The following KCNQ1 variants were observed in gnomAD, a reference collection of about 807,000 sequenced individuals.
KCNQ1 encodes potassium voltage-gated channel subfamily Q member 1, also known as potassium voltage-gated channel subfamily KQT member 1.
KCNQ1 carries 49 observed loss-of-function variants against 72.4 expected under a neutral mutation model. The ratio of observed to expected loss-of-function variants is 0.68; its 90% CI spans 0.54 to 0.86. KCNQ1 has a LOEUF of 0.86. Ranked by LOEUF, KCNQ1 falls within the 40% of genes least tolerant of loss-of-function variation. The pLI, the probability that KCNQ1 is intolerant of heterozygous loss-of-function variation, is 0.00. For missense variants in KCNQ1, 790 were observed against 945.1 expected (o/e 0.84, Z 2.15); for synonymous variants, 450 against 412.6 (o/e 1.09, Z -1.10).
intron 10 of KCNQ1, chr11:2,614,347 C>T: frequency 2.5e-6 from 1 of 398,462 alleles, no homozygotes; most frequent in African/African-American, 2.1e-5. Flanking sequence ...GTCTTCTGTG[C>T]ACCCTTTAAA....
chr11:2,698,824 C>T lies in KCNQ1; in HGVS notation c.1514+36743C>T, dbSNP rs1431273833. 3.0e-5 allele frequency: 12 copies of T among 398,700 alleles called. No individual in the cohort carries two copies. Among genetic ancestry groups the T allele is most frequent in the African/African-American group, 2.1e-4 (10 of 48,612 alleles). The allele number at this position is 398,700 out of a possible 1,614,324, so 24.7% of individuals were successfully genotyped here. ...TCCCGATCCTCTGTCCCTAATGAGG[C>T]CCTACCTAAAACCACCATGCGGACT... On this transcript the variant is annotated intron_variant, in intron 11 of 15. Coordinates refer to ENST00000155840, the MANE Select transcript of KCNQ1 (RefSeq NM_000218.3). The surrounding 1 kb of genome is among the most constrained non-coding windows in gnomAD (Gnocchi z 5.1).
At chr11:2,814,280 G>GGGAT (rs375570048) in intron 15 of KCNQ1, among the ~76,000 whole-genome samples, 34 of 138,342 alleles carry the variant, frequency 2.5e-4, no homozygotes, top group East Asian at 8.4e-4. Flanking sequence ...GATGGATGGT[G>GGGAT]GGATGGATGG....
rs542665111 is a variant in KCNQ1, at chr11:2,653,823, G to A, written c.1394-8138G>A. On this transcript the variant is annotated intron_variant, in intron 10 of 15. Coordinates refer to ENST00000155840, the MANE Select transcript of KCNQ1 (RefSeq NM_000218.3). The surrounding 1 kb of genome is among the most constrained non-coding windows in gnomAD (Gnocchi z 5.3). ...CGATGGCTGAGGCAAGGTCCACAGG[G>A]ACCCCTTTGGGGATGGCCAGAGGGT... The A allele has an allele frequency of 5.0e-6, 2 of 398,656 alleles. No individual in the cohort carries two copies. The highest frequency in any genetic ancestry group is 3.6e-5 in the East Asian group (1 of 28,074). The allele number at this position is 398,656 out of a possible 1,614,324, so 24.7% of individuals were successfully genotyped here. A position where few individuals can be genotyped will look rare whatever the true frequency, so the allele number is the denominator to read the frequency against.
At chr11:2,662,518 G>C (rs767755350) in intron 11 of KCNQ1, 1 of 426,498 alleles carries the variant, frequency 2.3e-6, no homozygotes, top group African/African-American at 2.0e-5. Context: ...TTCAGGTGGA[G>C]GAAATGGCTG....
Position 2,676,241 on chromosome 11 carries a change from G to C in KCNQ1, c.1514+14160G>C, listed in dbSNP as rs1054688596. Reference sequence around the variant, plus strand: ...TACAATGCTGATTTATTATGGTGCAGTACATCTGAGAAGCATTTTTATTGC... The same window carrying C: ...TACAATGCTGATTTATTATGGTGCACTACATCTGAGAAGCATTTTTATTGC... On this transcript the variant is annotated intron_variant, in intron 11 of 15. Coordinates refer to ENST00000155840, the MANE Select transcript of KCNQ1 (RefSeq NM_000218.3). The surrounding 1 kb of genome is among the most constrained non-coding windows in gnomAD (Gnocchi z 4.2). 5.0e-5 allele frequency: 20 copies of C among 398,620 alleles called. No individual in the cohort carries two copies. The East Asian group carries it at 6.8e-4, about 13-fold the overall frequency. The allele number at this position is 398,620 out of a possible 1,614,324, so 24.7% of individuals were successfully genotyped here.
At chr11:2,709,803 G>C (rs1467297381) in intron 11 of KCNQ1, among the ~76,000 whole-genome samples, 1 of 152,164 alleles carries the variant, frequency 6.6e-6, no homozygotes, top group Non-Finnish European at 1.5e-5. Context: ...TCATGCTGTA[G>C]CATGTATCAG....
Position 2,509,360 on chromosome 11 carries a change from TG to T in KCNQ1, c.387-18567del, listed in dbSNP as rs1847156282. 6.6e-6 allele frequency among the ~76,000 whole-genome samples: 1 copy of T among 152,200 alleles called. No homozygotes were observed. Among genetic ancestry groups the T allele is most frequent in the Non-Finnish European group, 1.5e-5 (1 of 68,036 alleles). Reference sequence around the variant, plus strand: ...TCAAGTTCAGCATCTCTGCACCCCTTGCCTGGCAAACCCCATCTTCCTGTCC... The same window carrying T: ...TCAAGTTCAGCATCTCTGCACCCCTTCCTGGCAAACCCCATCTTCCTGTCC... On this transcript the variant is annotated intron_variant, in intron 1 of 15. Transcript: ENST00000155840. The surrounding 1 kb of genome is among the most constrained non-coding windows in gnomAD (Gnocchi z 6.3).
At chr11:2,736,483 G>T (rs1297635401) in intron 11 of KCNQ1, among the ~76,000 whole-genome samples, 1 of 152,184 alleles carries the variant, frequency 6.6e-6, no homozygotes, top group African/African-American at 2.4e-5. Flanking sequence ...TGGCCCCCGT[G>T]CCTGGAGAGA....
chr11:2,455,156 GAT>G (rs1846169294), intron 1 of KCNQ1, among the ~76,000 whole-genome samples: 1 of 150,848 alleles, frequency 6.6e-6, no homozygotes, highest in Admixed American at 6.6e-5. Flanking sequence ...GGAGTGCAGT[GAT>G]GAGATCTTGG....
At position 2,549,633 on chromosome 11, in the gene KCNQ1, G is replaced by A. The variant is rs779319353; in HGVS notation, c.478-20995G>A. 9.9e-5 allele frequency among the ~76,000 whole-genome samples: 15 copies of A among 151,972 alleles called. No individual in the cohort carries two copies. Among genetic ancestry groups the A allele is most frequent in the Non-Finnish European group, 1.9e-4 (13 of 67,948 alleles). On this transcript the variant is annotated intron_variant, in intron 2 of 15. Coordinates refer to ENST00000155840, the MANE Select transcript of KCNQ1 (RefSeq NM_000218.3). The surrounding 1 kb of genome is among the most constrained non-coding windows in gnomAD (Gnocchi z 6.2). ...CTGCTCTGCGAGGCCCGGGGTAGGG[G>A]CGTGGGGGGGCCTCCTCCTCCCAAG... is the stretch of plus-strand genomic sequence containing the variant.
intron 10 of KCNQ1, among the ~76,000 whole-genome samples, chr11:2,606,298 T>G (rs1848878307): frequency 6.6e-6 from 1 of 152,228 alleles, no homozygotes; most frequent in Non-Finnish European, 1.5e-5. Flanking sequence ...GTATACAACA[T>G]TGATACGGTT....
rs574127427 is a variant in KCNQ1, at chr11:2,516,202, C to T, written c.387-11726C>T. ...CGGAGTCCAGTTCTCGCCAACCGCT[C>T]GATGCTGTGTGACTTGAGGCAGGTC... On this transcript the variant is annotated intron_variant, in intron 1 of 15. Transcript: ENST00000155840. The surrounding 1 kb of genome is among the most constrained non-coding windows in gnomAD (Gnocchi z 7.0). Among the ~76,000 whole-genome samples the T allele has an allele frequency of 2.3e-4, 35 of 152,184 alleles. No individual in the cohort carries two copies. Among genetic ancestry groups the T allele is most frequent in the Non-Finnish European group, 3.7e-4 (25 of 68,012 alleles).
chr11:2,731,488 C>T (rs376840010), intron 11 of KCNQ1, among the ~76,000 whole-genome samples: 10 of 152,336 alleles, frequency 6.6e-5, no homozygotes, highest in African/African-American at 2.2e-4. Context: ...ACAGGGAAGG[C>T]GGACACCCAG....
chr11:2,661,643 G>A lies in KCNQ1; in HGVS notation c.1394-318G>A, dbSNP rs1849958136. The stretch of plus-strand genomic sequence containing the variant: ...TGTTTTATTCTTGACCCAAGTGTCA[G>A]TTGTGAACATGGGAAGAGGCCCAGA... On this transcript the variant is annotated intron_variant, in intron 10 of 15. Transcript: ENST00000155840. The surrounding 1 kb of genome is among the most constrained non-coding windows in gnomAD (Gnocchi z 5.9). 2 of 594,974 alleles carry A rather than the reference G, an allele frequency of 3.4e-6. No individual in the cohort carries two copies. The highest frequency in any genetic ancestry group is 4.5e-4 in the Middle Eastern group (1 of 2,244). The allele number at this position is 594,974 out of a possible 1,614,324, so 36.9% of individuals were successfully genotyped here.
chr11:2,738,176 G>A (rs1845989882), intron 11 of KCNQ1, among the ~76,000 whole-genome samples: 1 of 151,820 alleles, frequency 6.6e-6, no homozygotes, highest in Non-Finnish European at 1.5e-5. Context: ...GACGAGGGCA[G>A]AAGTGAGCCC....
rs781007048 is a variant in KCNQ1, at chr11:2,583,591, G to C, written c.1032+46G>C. 3.0e-6 allele frequency: 4 copies of C among 1,338,238 alleles called. No individual in the cohort carries two copies. The East Asian group carries it at 9.2e-5, about 31-fold the overall frequency. 82.9% of individuals were successfully genotyped at this position (1,338,238 alleles called of 1,614,324 possible). On this transcript the variant is annotated intron_variant, in intron 7 of 15. Coordinates refer to ENST00000155840, the MANE Select transcript of KCNQ1 (RefSeq NM_000218.3). Reference sequence around the variant, plus strand: ...TTTTCCCTGGCTCCTTGGACAGCTGGGGTCCTGGGGTGGCTGCACGCCCCT... The same window carrying C: ...TTTTCCCTGGCTCCTTGGACAGCTGCGGTCCTGGGGTGGCTGCACGCCCCT...
In KCNQ1 at chr11:2,776,055, G is replaced by A. The variant is rs794728531; in HGVS notation, c.1685+1G>A. ...TGCGCATCAAGGAGCTGCAGAGGAGGTGGGCACGGCCAAACGGCAGCGGGG... is the reference window on the plus strand; with the variant it reads ...TGCGCATCAAGGAGCTGCAGAGGAGATGGGCACGGCCAAACGGCAGCGGGG... On this transcript the variant is annotated splice_donor_variant, in intron 13 of 15. Transcript: ENST00000155840. LOFTEE classifies it high-confidence loss of function. 1 of 1,555,422 alleles carries A rather than the reference G, an allele frequency of 6.4e-7. No individual in the cohort carries two copies. Among genetic ancestry groups the A allele is most frequent in the Non-Finnish European group, 8.7e-7 (1 of 1,149,092 alleles).
intron 11 of KCNQ1, chr11:2,684,485 G>C: frequency 2.5e-6 from 1 of 398,660 alleles, no homozygotes; most frequent in Non-Finnish European, 4.4e-6. Context: ...CTTTCTGGCT[G>C]AGTTCTCCTT....
intron 11 of KCNQ1, among the ~76,000 whole-genome samples, chr11:2,754,815 C>A (rs1280150202): frequency 6.6e-6 from 1 of 152,176 alleles, no homozygotes; most frequent in African/African-American, 2.4e-5. Flanking sequence ...TTACAAGACA[C>A]AAAAGCATTG....
Sources: gnomAD v4.1 joint callset for allele counts (sites outside exome capture counted in the v4.1 genomes callset) on GRCh38, gnomAD v4.1.1 for gene constraint, Gnocchi (gnomAD v3.1) non-coding constraint, MANE v1.5 for transcripts, NCBI Gene and HGNC (gene_info 2026-07-23, HGNC 2026-07-21) for gene names.